GRIN2B: variants seen among roughly 807,000 people sequenced by gnomAD.
GRIN2B encodes glutamate ionotropic receptor NMDA type subunit 2B.
GRIN2B carries 5 observed loss-of-function variants against 114.5 expected under a neutral mutation model. The ratio of observed to expected loss-of-function variants is 0.04; its 90% CI spans 0.02 to 0.09. GRIN2B has a LOEUF of 0.09. Ranked by LOEUF, GRIN2B falls within the 10% of genes least tolerant of loss-of-function variation. The probability of loss-of-function intolerance (pLI) is 1.00; values close to 1 mark genes in which losing one functional copy is unlikely to be tolerated. For synonymous variants in GRIN2B, 787 were observed against 745.1 expected, an observed-to-expected ratio of 1.06 and a Z score of -0.92; for missense variants, 1,108 against 1,943.5, an observed-to-expected ratio of 0.57 and a Z score of 8.08.
chr12:13,638,087 A>G (rs2136504089), intron 5 of GRIN2B, among the ~76,000 whole-genome samples: 1 of 152,292 alleles, frequency 6.6e-6, no homozygotes, highest in African/African-American at 2.4e-5. Flanking sequence ...AGATGGTGAG[A>G]GTTATGTACT....
In GRIN2B at chr12:13,562,447, A is replaced by G. The variant is rs200549993; in HGVS notation, c.*336T>C. ...CCCAGCTTCACTCAAAGAGGATATC[A>G]AGGAGCTCTTCCACACCAGGAGGAA... On this transcript the variant is annotated 3_prime_UTR_variant, in exon 14 of 14. Transcript: ENST00000609686. 9.5e-5 allele frequency: 30 copies of G among 314,772 alleles called. No individual in the cohort carries two copies. Among genetic ancestry groups the G allele is most frequent in the African/African-American group, 5.3e-4 (25 of 47,432 alleles). The allele number at this position is 314,772 out of a possible 1,614,324, so 19.5% of individuals were successfully genotyped here.
intron 9 of GRIN2B, 71 bp from the exon 10 acceptor site, chr12:13,608,903 C>T: frequency 9.5e-7 from 1 of 1,057,736 alleles, no homozygotes; most frequent in Middle Eastern, 2.0e-4. Flanking sequence ...TACAAATACA[C>T]AGGGTGAGTC....
intron 4 of GRIN2B, among the ~76,000 whole-genome samples, chr12:13,695,587 G>A (rs538031043): frequency 1.8e-4 from 27 of 152,204 alleles, no homozygotes; most frequent in South Asian, 8.3e-4. Context: ...CAGGACAGGA[G>A]GGAGGAAAGA....
chr12:13,738,055 T>C (rs114250498), intron 4 of GRIN2B, among the ~76,000 whole-genome samples: 4,141 of 152,282 alleles, frequency 0.027, 200 homozygotes, highest in African/African-American at 0.095. Flanking sequence ...CCATCTCAAC[T>C]GGTTCCCCTG....
intron 2 of GRIN2B, among the ~76,000 whole-genome samples, chr12:13,922,774 T>C (rs1204494266): frequency 5.9e-5 from 9 of 152,210 alleles, no homozygotes; most frequent in Admixed American, 5.9e-4. Flanking sequence ...ACCAAAACTG[T>C]GCTTTGGGAA....
chr12:13,751,605 G>C (rs1262293642), intron 4 of GRIN2B, among the ~76,000 whole-genome samples: 4 of 152,150 alleles, frequency 2.6e-5, no homozygotes, highest in African/African-American at 7.2e-5. Flanking sequence ...ATACATCATT[G>C]ACAGGCAGTG....
At chr12:13,741,867 T>C (rs1443614405) in intron 4 of GRIN2B, among the ~76,000 whole-genome samples, 2 of 152,172 alleles carry the variant, frequency 1.3e-5, no homozygotes, top group African/African-American at 2.4e-5. Context: ...TATCTAAAAA[T>C]TGGAGGCAAT....
intron 5 of GRIN2B, among the ~76,000 whole-genome samples, chr12:13,671,992 T>C (rs1950026714): frequency 6.6e-6 from 1 of 152,150 alleles, no homozygotes; most frequent in South Asian, 2.1e-4. Context: ...GACTACCTCA[T>C]CATGGGTCAT....
chr12:13,962,089 T>TACATACACACACAC (rs375862677), intron 2 of GRIN2B, among the ~76,000 whole-genome samples: 1 of 145,238 alleles, frequency 6.9e-6, no homozygotes, highest in Admixed American at 6.8e-5. Context: ...CTCTCATACA[T>TACATACACACACAC]ACACACACAC....
chr12:13,916,632 T>A (rs559094988), intron 2 of GRIN2B, among the ~76,000 whole-genome samples: 3 of 151,774 alleles, frequency 2.0e-5, no homozygotes, highest in African/African-American at 7.2e-5. Context: ...GAGGATCTCT[T>A]GAAGCCAGGA....
intron 11 of GRIN2B, among the ~76,000 whole-genome samples, chr12:13,570,736 A>G (rs1290036377): frequency 6.6e-6 from 1 of 152,254 alleles, no homozygotes; most frequent in Non-Finnish European, 1.5e-5. Context: ...GCAGGAAGGC[A>G]TGAATCAATA....
chr12:13,627,958 G>A (rs1949585068), intron 5 of GRIN2B, among the ~76,000 whole-genome samples: 1 of 152,194 alleles, frequency 6.6e-6, no homozygotes, highest in Non-Finnish European at 1.5e-5. Flanking sequence ...GGTCCTTTAA[G>A]ACTCCCCACT....
chr12:13,745,785 A>G (rs1863369165), intron 4 of GRIN2B, among the ~76,000 whole-genome samples: 1 of 152,210 alleles, frequency 6.6e-6, no homozygotes, highest in Non-Finnish European at 1.5e-5. Context: ...GCTGAAATCC[A>G]GGACCCCTAA....
intron 10 of GRIN2B, among the ~76,000 whole-genome samples, chr12:13,596,760 G>T (rs1211092590): frequency 2.6e-5 from 4 of 152,204 alleles, no homozygotes; most frequent in African/African-American, 9.7e-5. Flanking sequence ...AACAAACTTC[G>T]CTGGAAATAC....
intron 2 of GRIN2B, among the ~76,000 whole-genome samples, chr12:13,955,087 A>G (rs563853302): frequency 6.6e-6 from 1 of 152,232 alleles, no homozygotes; most frequent in East Asian, 1.9e-4. Flanking sequence ...AGAAGATTTG[A>G]CAAAATTGAT....
chr12:13,582,871 C>T (rs146231338), intron 10 of GRIN2B, among the ~76,000 whole-genome samples: 9 of 152,222 alleles, frequency 5.9e-5, no homozygotes, highest in East Asian at 3.9e-4. Context: ...CAGTTTTCCT[C>T]GCAACGATGG....
intron 5 of GRIN2B, among the ~76,000 whole-genome samples, chr12:13,637,401 G>A (rs1476815469): frequency 6.6e-6 from 1 of 152,070 alleles, no homozygotes. Flanking sequence ...TGTTGAGTAG[G>A]TTAAAAAATG....
At chr12:13,913,858 C>G (rs553776351) in intron 2 of GRIN2B, among the ~76,000 whole-genome samples, 1 of 152,138 alleles carries the variant, frequency 6.6e-6, no homozygotes, top group Non-Finnish European at 1.5e-5. Context: ...CCTCAGTTTC[C>G]TCATCTATAA....
At chr12:13,975,594 A>T (rs151023443) in intron 2 of GRIN2B, among the ~76,000 whole-genome samples, 39 of 152,318 alleles carry the variant, frequency 2.6e-4, no homozygotes, top group African/African-American at 9.1e-4. Context: ...CCCTTCCTAA[A>T]CCCAACAGAA....
Sources: allele counts gnomAD v4.1 joint callset (sites outside exome capture counted in the v4.1 genomes callset), GRCh38; gene constraint gnomAD v4.1.1; transcripts MANE v1.5; gene names NCBI Gene and HGNC (gene_info 2026-07-23, HGNC 2026-07-21).